PRR16: variants seen among roughly 807,000 people sequenced by gnomAD.
PRR16 encodes the protein protein Largen.
In PRR16, 6 loss-of-function variants were observed where a neutral mutation model predicts 18.2. The observed-to-expected ratio is 0.33, with a 90% CI of 0.18 to 0.65. PRR16 has a LOEUF of 0.65. PRR16 is among the 30% of genes least tolerant of loss of function. The pLI, the probability that PRR16 is intolerant of heterozygous loss-of-function variation, is 0.74. For missense variants in PRR16, 412 were observed against 376.6 expected, an observed-to-expected ratio of 1.09 and a Z score of -0.78; for synonymous variants, 151 against 147.8, an observed-to-expected ratio of 1.02 and a Z score of -0.16.
chr5:120,550,948 A>C (rs1362494979), intron 1 of PRR16, among the ~76,000 whole-genome samples: 1 of 152,044 alleles, frequency 6.6e-6, no homozygotes, highest in Non-Finnish European at 1.5e-5. Flanking sequence ...CAAAGTATAC[A>C]ATGTGACGTT....
chr5:120,556,298 T>C (rs919279870), intron 1 of PRR16, among the ~76,000 whole-genome samples: 1 of 145,084 alleles, frequency 6.9e-6, no homozygotes, highest in Non-Finnish European at 1.5e-5. Flanking sequence ...TACAAAACCA[T>C]TGACTATCTG....
chr5:120,614,881 C>G (rs1195734672), intron 1 of PRR16, among the ~76,000 whole-genome samples: 2 of 152,152 alleles, frequency 1.3e-5, no homozygotes, highest in African/African-American at 4.8e-5. Flanking sequence ...TAGGCACCAG[C>G]TATAGCAGCT....
intron 1 of PRR16, among the ~76,000 whole-genome samples, chr5:120,530,254 A>AATATATATATATATATATAT (rs3047950): frequency 3.9e-4 from 42 of 106,692 alleles, no homozygotes; most frequent in Non-Finnish European, 6.2e-4. Context: ...AGTGTGTGTA[A>AATATATATATATATATATAT]ATATATATAT....
At chr5:120,618,673 T>A in intron 1 of PRR16, 2 of 524,398 alleles carry the variant, frequency 3.8e-6, no homozygotes, top group Non-Finnish European at 4.9e-6. Context: ...AAAGTAAATT[T>A]AAAAGTCTGC....
the PRR16 span, among the ~76,000 whole-genome samples, chr5:120,791,642 CT>C: frequency 1.8e-3 from 276 of 149,204 alleles, no homozygotes; most frequent in African/African-American, 6.2e-3. Context: ...TATCATCTAT[CT>C]ATCTATCTAT....
chr5:120,670,749 A>G (rs1756573798), intron 1 of PRR16, among the ~76,000 whole-genome samples: 1 of 152,162 alleles, frequency 6.6e-6, no homozygotes, highest in Non-Finnish European at 1.5e-5. Context: ...TGGTTGAACC[A>G]AACTTGGTAT....
chr5:120,508,851 G>A (rs900623112), intron 1 of PRR16, among the ~76,000 whole-genome samples: 2 of 151,940 alleles, frequency 1.3e-5, no homozygotes, highest in Non-Finnish European at 1.5e-5. Context: ...ATGCTGCCCT[G>A]GCATAAGCTA....
In PRR16 at chr5:120,536,159, C is replaced by A. The variant is rs1751709741; in HGVS notation, c.159+71514C>A. Among the ~76,000 whole-genome samples, 7 of 152,270 alleles carry A rather than the reference C, an allele frequency of 4.6e-5. No homozygotes were observed. The South Asian group carries it at 1.5e-3, about 32-fold the overall frequency. ...TGTGATAGTTGGCATAGTTAGTTAG[C>A]AAATGACATTGTGTGTGTAACCTCT... On this transcript the variant is annotated intron_variant, in intron 1 of 1. Transcript: ENST00000407149.
chr5:120,479,290 C>T (rs1749537011), intron 1 of PRR16, among the ~76,000 whole-genome samples: 1 of 152,116 alleles, frequency 6.6e-6, no homozygotes, highest in Admixed American at 6.6e-5. Flanking sequence ...CGTTTTCAAT[C>T]TGTCCACTTC....
In PRR16 at chr5:120,639,143, A is replaced by G. The variant is rs1418126934; in HGVS notation, c.160-46811A>G. On this transcript the variant is annotated intron_variant, in intron 1 of 1. Transcript: ENST00000407149. ...AATAACTTATTTTTGTTGCTTAGTC[A>G]TCTTATGTATAATGATTACCTATTT... 1.3e-5 allele frequency among the ~76,000 whole-genome samples: 2 copies of G among 152,110 alleles called. 1 individual carries two copies. Among genetic ancestry groups the G allele is most frequent in the African/African-American group, 4.8e-5 (2 of 41,444 alleles).
chr5:120,743,999 ATC>A, the PRR16 span, among the ~76,000 whole-genome samples: 2 of 151,736 alleles, frequency 1.3e-5, no homozygotes, highest in African/African-American at 2.4e-5. Flanking sequence ...TTTCCTTTTC[ATC>A]TCTTTCTGTT....
chr5:120,494,940 G>T (rs1197084170), intron 1 of PRR16, among the ~76,000 whole-genome samples: 1 of 152,000 alleles, frequency 6.6e-6, no homozygotes, highest in Non-Finnish European at 1.5e-5. Flanking sequence ...CTGTTCCATT[G>T]TTCTGTGTGT....
chr5:120,633,405 AC>A (rs538617098), intron 1 of PRR16, among the ~76,000 whole-genome samples: 113 of 152,152 alleles, frequency 7.4e-4, no homozygotes, highest in Non-Finnish European at 1.4e-3. Context: ...GCCTAAACGC[AC>A]CACTTAAAAT....
chr5:120,763,886 A>G, the PRR16 span, among the ~76,000 whole-genome samples: 1 of 152,022 alleles, frequency 6.6e-6, no homozygotes, highest in African/African-American at 2.4e-5. Flanking sequence ...CAGATATGCT[A>G]CTGATTGTTT....
chr5:120,739,839 G>C, the PRR16 span, among the ~76,000 whole-genome samples: 2 of 152,138 alleles, frequency 1.3e-5, no homozygotes, highest in South Asian at 2.1e-4. Flanking sequence ...ATTCCTAACA[G>C]GTTCAAGGCA....
chr5:120,693,902 T>C, the PRR16 span, among the ~76,000 whole-genome samples: 1 of 152,248 alleles, frequency 6.6e-6, no homozygotes, highest in South Asian at 2.1e-4. Flanking sequence ...GTCGTGGTCC[T>C]TGCTAAAAGC....
In PRR16 at chr5:120,686,524, A is replaced by G. The variant is rs1372952529; in HGVS notation, c.730A>G (p.Ile244Val). Residue 244 changes from isoleucine (I) to valine (V), a missense_variant, in exon 2 of 2, where the codon ATT (isoleucine) becomes GTT (valine). Transcript: ENST00000407149. ...TGAACCTGTCCACCCACCGGGAAAG[A>G]TTCCTCACCAAGGCCCTCCCCTCCC... The part of the protein sequence containing the change: ...HSEPVHPPGK[I>V]PHQGPPLPPT... 1.2e-6 allele frequency: 2 copies of G among 1,613,680 alleles called. No homozygotes were observed. The highest frequency in any genetic ancestry group is 1.7e-6 in the Non-Finnish European group (2 of 1,179,904).
At chr5:120,735,624 T>G in the PRR16 span, among the ~76,000 whole-genome samples, 8 of 152,180 alleles carry the variant, frequency 5.3e-5, no homozygotes, top group Admixed American at 2.6e-4. Context: ...TTTGGAGAAA[T>G]GACTATTCAA....
At chr5:120,640,684 G>A (rs1444559912) in intron 1 of PRR16, among the ~76,000 whole-genome samples, 3 of 152,038 alleles carry the variant, frequency 2.0e-5, no homozygotes, top group Non-Finnish European at 4.4e-5. Flanking sequence ...GTAACTTTTG[G>A]CCAACTCCTT....
Sources: gnomAD v4.1 joint callset for allele counts (sites outside exome capture counted in the v4.1 genomes callset) on GRCh38, gnomAD v4.1.1 for gene constraint, MANE v1.5 for transcripts, NCBI Gene and HGNC (gene_info 2026-07-23, HGNC 2026-07-21) for gene names.